Variants in MDN1 observed in about 807,000 individuals in gnomAD.
MDN1 encodes midasin.
A neutral mutation model predicts 669.2 loss-of-function variants in MDN1; 266 were observed. That is an observed-to-expected ratio of 0.40 (90% CI 0.36 to 0.44). MDN1 has a LOEUF of 0.44. Among genes scored for constraint, MDN1 ranks in the 20% least tolerant of loss-of-function variants. The pLI is 1.00. For missense variants in MDN1, 5,940 were observed against 6,754.0 expected (o/e 0.88, Z 4.22); for synonymous variants, 2,385 against 2,457.1 (o/e 0.97, Z 0.87).
rs147422392 is a variant in MDN1 at position 89,723,580 on chromosome 6, T to C, written c.5710A>G (p.Ile1904Val). The change falls in exon 39 of 102, where the codon ATT becomes GTT. Residue 1904 changes from isoleucine (I) to valine (V), a missense_variant. Coordinates refer to ENST00000369393, the MANE Select transcript of MDN1 (RefSeq NM_014611.3). ...ATGGCTGGAAACAAAGTACTGGCAA[T>C]GAACTCCATGTCAATTACTGTAAGG... ...DPLTVIDMEF[I>V]ASTLFPAIEK... is the part of the protein sequence containing the mutation. 459 of 1,601,852 alleles carry C rather than the reference T, an allele frequency of 2.9e-4. No individual in the cohort carries two copies. Among genetic ancestry groups the C allele is most frequent in the Non-Finnish European group, 3.8e-4 (446 of 1,173,392 alleles).
chr6:89,674,697 T>C, intron 78 of MDN1, 108 bp from the exon 79 acceptor site: 5 of 1,418,218 alleles, frequency 3.5e-6, no homozygotes, highest in Non-Finnish European at 4.7e-6. Flanking sequence ...GGCTTTTTCA[T>C]ACAGTCAAGA....
chr6:89,723,223 A>G (rs1814966139), intron 39 of MDN1, 80 bp from the exon 40 acceptor site: 3 of 1,373,742 alleles, frequency 2.2e-6, no homozygotes, highest in Non-Finnish European at 3.0e-6. Flanking sequence ...ATGTACTACA[A>G]AAGCATATGT....
At chr6:89,750,223 G>A in intron 24 of MDN1, 131 bp downstream of exon 24, 1 of 871,112 alleles carries the variant, frequency 1.1e-6, no homozygotes, top group Non-Finnish European at 1.8e-6. Context: ...TCTTAGCTCA[G>A]GCATCAAGAA....
chr6:89,781,328 G>T, intron 10 of MDN1, 71 bp downstream of exon 10: 1 of 1,487,610 alleles, frequency 6.7e-7, no homozygotes, highest in Non-Finnish European at 9.3e-7. Context: ...TCCAGCCTGG[G>T]TAACAGAGCA....
At chr6:89,650,582 CAG>C (rs1442754092) in intron 96 of MDN1, 148 bp downstream of exon 96, 6 of 621,342 alleles carry the variant, frequency 9.7e-6, no homozygotes, top group African/African-American at 1.8e-5. Context: ...AATAGGAAAA[CAG>C]GGTAAGGAAC....
At chr6:89,740,917 T>C (rs1258038673) in intron 31 of MDN1, among the ~76,000 whole-genome samples, 2 of 152,206 alleles carry the variant, frequency 1.3e-5, no homozygotes, top group East Asian at 3.9e-4. Context: ...AGGATTCTAT[T>C]GAATGATGGA....
chr6:89,684,030 AC>A lies in MDN1; in HGVS notation c.11830-127del, dbSNP rs369415418. 244 of 694,838 alleles carry A rather than the reference AC, an allele frequency of 3.5e-4. No homozygotes were observed. In the African/African-American group the frequency reaches 4.0e-3, roughly 11 times the overall value. The allele number at this position is 694,838 out of a possible 1,614,324, so 43.0% of individuals were successfully genotyped here. ...CAAACACAGGACTGTGTGTCAGTGA[AC>A]AAGTAAAACAAGTCTAAAAAAGAAA... On this transcript the variant is annotated intron_variant, in intron 71 of 101. Coordinates refer to ENST00000369393, the MANE Select transcript of MDN1 (RefSeq NM_014611.3).
chr6:89,792,674 ATTTTT>A (rs72383790), intron 5 of MDN1, among the ~76,000 whole-genome samples: 2 of 146,570 alleles, frequency 1.4e-5, no homozygotes, highest in Non-Finnish European at 3.0e-5. Flanking sequence ...TTACATTTTA[ATTTTT>A]TTTTTTTTTT....
intron 29 of MDN1, among the ~76,000 whole-genome samples, chr6:89,744,355 A>C (rs921650949): frequency 2.0e-5 from 3 of 152,146 alleles, no homozygotes; most frequent in Admixed American, 2.0e-4. Context: ...CCAAGGCAGG[A>C]GGATCACTTG....
In MDN1 at chr6:89,645,188, T is replaced by G. The variant is rs557984976; in HGVS notation, c.16460-31A>C. On this transcript the variant is annotated intron_variant, in intron 100 of 101. Transcript: ENST00000369393. The stretch of plus-strand genomic sequence containing the variant: ...GACCATATAAGACGAAGCAAGGGAA[T>G]AAAATGAACAGCCATTTTTAATAAC... The G allele has an allele frequency of 2.6e-4, 409 of 1,562,910 alleles. 8 individuals carry two copies. In the South Asian group the frequency reaches 4.2e-3, roughly 16 times the overall value.
Position 89,684,958 on chromosome 6 carries a change from A to G in MDN1, c.11747T>C (p.Leu3916Ser). 1 of 1,613,472 alleles carries G rather than the reference A, an allele frequency of 6.2e-7. No individual in the cohort carries two copies. Among genetic ancestry groups the G allele is most frequent in the Non-Finnish European group, 8.5e-7 (1 of 1,179,432 alleles). ...KDSLCSVLWN[L>S]YHYYKQFFDR... ...AAAGAATTGCTTGTAATAATGGTAC[A>G]AATTCCATAGAACACTGCAAAGTGA... Residue 3916 changes from leucine (L) to serine (S), a missense_variant, in exon 71 of 102, where the codon TTG becomes TCG. Transcript: ENST00000369393.
chr6:89,649,740 C>G (rs141430073), intron 97 of MDN1, among the ~76,000 whole-genome samples: 1 of 152,110 alleles, frequency 6.6e-6, no homozygotes, highest in African/African-American at 2.4e-5. Flanking sequence ...CAGTTAAGAA[C>G]AAACAGCAAG....
Position 89,774,688 on chromosome 6 carries a change from C to T in MDN1, c.1867G>A (p.Glu623Lys). The T allele has an allele frequency of 1.2e-6, 2 of 1,613,668 alleles. No individual in the cohort carries two copies. Reference sequence around the variant, plus strand: ...ACTCGACCCACTTGCAAATCTAGCTCATTGATCACAATTTCTGGTTTATAA... The same window carrying T: ...ACTCGACCCACTTGCAAATCTAGCTTATTGATCACAATTTCTGGTTTATAA... ...QLYKPEIVIN[E>K]LDLQVGRVRL... Residue 623 changes from glutamate to lysine, a missense_variant, in exon 13 of 102, where the codon GAG (glutamate) becomes AAG (lysine). Physicochemically the swap from Glu to Lys is moderately conservative, Grantham distance 56 (BLOSUM62 1). This residue lies in a region of MDN1 where 1,203 missense variants were observed against 1,268.9 expected (regional missense o/e 0.95). Coordinates refer to ENST00000369393, the MANE Select transcript of MDN1 (RefSeq NM_014611.3).
At chr6:89,764,468 G>A (rs2128321389) in intron 15 of MDN1, among the ~76,000 whole-genome samples, 1 of 152,270 alleles carries the variant, frequency 6.6e-6, no homozygotes, top group East Asian at 1.9e-4. Flanking sequence ...AGCCAGGCAT[G>A]CCAGTGTGCC....
intron 36 of MDN1, among the ~76,000 whole-genome samples, chr6:89,728,649 G>A (rs1280291658): frequency 6.6e-6 from 1 of 152,120 alleles, no homozygotes; most frequent in East Asian, 1.9e-4. Context: ...TGGCCAACAT[G>A]GTGAAACCCT....
chr6:89,675,744 A>G, intron 77 of MDN1, 165 bp from the exon 78 acceptor site: 1 of 597,930 alleles, frequency 1.7e-6, no homozygotes. Context: ...TGCACAGATC[A>G]TTGAGATTCC....
At chr6:89,725,168 C>G in intron 38 of MDN1, 31 bp downstream of exon 38, 1 of 1,603,888 alleles carries the variant, frequency 6.2e-7, no homozygotes, top group East Asian at 2.2e-5. Context: ...CCGAGTCTAT[C>G]TTTGGTCTCT....
At chr6:89,751,404 G>A (rs4707563) in intron 23 of MDN1, 27 bp downstream of exon 23, 281,025 of 1,612,752 alleles carry the variant, frequency 0.17, 25,103 homozygotes, top group East Asian at 0.2. Flanking sequence ...TATCAAGTTC[G>A]GGGCAGCGAG....
chr6:89,707,060 A>G (rs1813564936), intron 52 of MDN1, among the ~76,000 whole-genome samples: 2 of 152,196 alleles, frequency 1.3e-5, no homozygotes. Context: ...TAGAGACGTG[A>G]CCTTGAGCAT....
Sources: gnomAD v4.1 joint callset for allele counts (sites outside exome capture counted in the v4.1 genomes callset) on GRCh38, gnomAD v4.1.1 for gene constraint, gnomAD v4.1.1 regional missense constraint, MANE v1.5 for transcripts, NCBI Gene and HGNC (gene_info 2026-07-23, HGNC 2026-07-21) for gene names.